Variants in PACRG observed in about 807,000 individuals in gnomAD.
PACRG encodes the protein parkin coregulated.
A neutral mutation model predicts 29.7 loss-of-function variants in PACRG; 29 were observed. The observed-to-expected ratio is 0.98, with a 90% confidence interval of 0.73 to 1.33. The LOEUF (loss-of-function observed/expected upper bound fraction) is 1.33, where lower values mean the gene tolerates loss of function less well. Ranked by LOEUF, PACRG falls within the 40% of genes most tolerant of loss-of-function variation. PACRG has a pLI of 0.00. For missense variants in PACRG, 279 were observed against 316.2 expected (o/e 0.88, Z 0.89); for synonymous variants, 116 against 118.7 (o/e 0.98, Z 0.15).
At chr6:163,014,877 T>A (rs960605502) in intron 2 of PACRG, among the ~76,000 whole-genome samples, 1 of 152,174 alleles carries the variant, frequency 6.6e-6, no homozygotes. Context: ...CAGTTTTTGT[T>A]TTTGTTGCAA....
intron 2 of PACRG, among the ~76,000 whole-genome samples, chr6:162,831,291 T>A (rs78771539): frequency 0.17 from 25,902 of 152,210 alleles, 2,964 homozygotes; most frequent in Non-Finnish European, 0.25. Context: ...TTATATTTAT[T>A]GCTTTTCATT....
intron 2 of PACRG, among the ~76,000 whole-genome samples, chr6:162,896,216 C>T (rs899360709): frequency 1.3e-5 from 2 of 152,248 alleles, no homozygotes; most frequent in Non-Finnish European, 2.9e-5. Flanking sequence ...TCCTTTGTTA[C>T]TGCTGCCTCT....
intron 2 of PACRG, among the ~76,000 whole-genome samples, chr6:162,852,887 C>T (rs1038626490): frequency 2.0e-5 from 3 of 152,186 alleles, no homozygotes; most frequent in Admixed American, 1.3e-4. Context: ...GTCGGGTCTG[C>T]CTTCAATTTT....
At chr6:162,910,947 A>T (rs1319363614) in intron 2 of PACRG, among the ~76,000 whole-genome samples, 2 of 152,196 alleles carry the variant, frequency 1.3e-5, no homozygotes, top group Non-Finnish European at 2.9e-5. Flanking sequence ...TGAGGATTAT[A>T]TATAACTCAT....
At chr6:163,222,268 G>GC (rs1170757406) in intron 4 of PACRG, among the ~76,000 whole-genome samples, 9 of 152,160 alleles carry the variant, frequency 5.9e-5, no homozygotes, top group African/African-American at 1.9e-4. Flanking sequence ...ATGGTCCATC[G>GC]CAACCAACCG....
chr6:162,881,483 G>GT (rs1025813277), intron 2 of PACRG, among the ~76,000 whole-genome samples: 31 of 152,188 alleles, frequency 2.0e-4, no homozygotes, highest in Admixed American at 2.0e-3. Context: ...ATTAAAGTGT[G>GT]TTTCCAATCA....
chr6:162,881,922 GGAGACCACA>G (rs1793889793), intron 2 of PACRG, among the ~76,000 whole-genome samples: 1 of 109,706 alleles, frequency 9.1e-6, no homozygotes. Flanking sequence ...CACCAAGATC[GGAGACCACA>G]GGGTCCTCTC....
At chr6:163,259,865 G>C (rs528540982) in intron 4 of PACRG, among the ~76,000 whole-genome samples, 1 of 152,180 alleles carries the variant, frequency 6.6e-6, no homozygotes, top group Non-Finnish European at 1.5e-5. Flanking sequence ...CACCCCCAGA[G>C]GCTGAGGGAT....
chr6:163,060,633 C>T (rs994753803), intron 2 of PACRG, among the ~76,000 whole-genome samples: 1 of 152,122 alleles, frequency 6.6e-6, no homozygotes, highest in South Asian at 2.1e-4. Context: ...GGCTGGACTC[C>T]CTCTACATCC....
At chr6:162,801,004 G>A (rs373899961) in intron 1 of PACRG, among the ~76,000 whole-genome samples, 4 of 152,132 alleles carry the variant, frequency 2.6e-5, no homozygotes, top group South Asian at 2.1e-4. Context: ...AACTGCCTGC[G>A]TCTTCGTGGA....
intron 4 of PACRG, among the ~76,000 whole-genome samples, chr6:163,094,076 G>C (rs73786957): frequency 6.6e-6 from 1 of 152,102 alleles, no homozygotes; most frequent in Non-Finnish European, 1.5e-5. Context: ...CTTGATATTC[G>C]TGTGAATTCT....
intron 4 of PACRG, among the ~76,000 whole-genome samples, chr6:163,130,405 C>G (rs1308302358): frequency 6.6e-6 from 1 of 152,124 alleles, no homozygotes; most frequent in Non-Finnish European, 1.5e-5. Flanking sequence ...CTAATTTTTC[C>G]CCACTTTGCC....
intron 2 of PACRG, 55 bp from the exon 3 acceptor site, chr6:163,062,095 C>A: frequency 6.3e-7 from 1 of 1,577,972 alleles, no homozygotes; most frequent in Admixed American, 1.7e-5. Context: ...GCTTGTCTGC[C>A]GTGCTCTGCC....
At chr6:163,289,701 A>T (rs1784518616) in intron 4 of PACRG, among the ~76,000 whole-genome samples, 1 of 152,018 alleles carries the variant, frequency 6.6e-6, no homozygotes, top group Non-Finnish European at 1.5e-5. Context: ...GGAGGGAGTT[A>T]TTCTGCTCCC....
In PACRG at chr6:162,900,651, G is replaced by A. The variant is rs146061725; in HGVS notation, c.291+86370G>A. Among the ~76,000 whole-genome samples the A allele has an allele frequency of 1.6e-4, 25 of 152,180 alleles. 1 individual carries two copies. The East Asian group carries it at 4.8e-3, about 29-fold the overall frequency. On this transcript the variant is annotated intron_variant, in intron 2 of 4. Coordinates refer to ENST00000366888, the MANE Select transcript of PACRG (RefSeq NM_001080379.2). The stretch of plus-strand genomic sequence containing the variant: ...TGCCACTCTAAGCTCATCTCTTGCC[G>A]TCTTTCTTATTCCTCAGGCTCCAAA...
At chr6:163,001,584 G>A (rs1804595251) in intron 2 of PACRG, among the ~76,000 whole-genome samples, 1 of 152,106 alleles carries the variant, frequency 6.6e-6, no homozygotes, top group African/African-American at 2.4e-5. Flanking sequence ...TCTCTATCTT[G>A]TACACTGGAA....
intron 4 of PACRG, among the ~76,000 whole-genome samples, chr6:163,139,110 G>C (rs1817051815): frequency 6.6e-6 from 1 of 152,218 alleles, no homozygotes; most frequent in East Asian, 1.9e-4. Context: ...CTCAACATCA[G>C]CTTCACTGGG....
At chr6:162,887,227 A>G (rs898670279) in intron 2 of PACRG, among the ~76,000 whole-genome samples, 5 of 152,178 alleles carry the variant, frequency 3.3e-5, no homozygotes, top group Non-Finnish European at 7.3e-5. Context: ...TGCTGCAATT[A>G]TAGGTGTGAG....
At chr6:163,112,227 A>C (rs1585229137) in intron 4 of PACRG, 1 of 177,282 alleles carries the variant, frequency 5.6e-6, no homozygotes, top group African/African-American at 2.4e-5. Context: ...CATTCACAGA[A>C]AGGCTTAGAA....
Sources: gnomAD v4.1 joint callset for allele counts (sites outside exome capture counted in the v4.1 genomes callset) on GRCh38, gnomAD v4.1.1 for gene constraint, MANE v1.5 for transcripts, NCBI Gene and HGNC (gene_info 2026-07-23, HGNC 2026-07-21) for gene names.